Variants in FBXL7 observed in about 807,000 individuals in gnomAD.
FBXL7 encodes F-box and leucine rich repeat protein 7, also known as F-box/LRR-repeat protein 7.
In FBXL7, 12 loss-of-function variants were observed where a neutral mutation model predicts 38.3. The ratio of observed to expected loss-of-function variants is 0.31; its 90% CI spans 0.20 to 0.51. FBXL7 has a LOEUF of 0.51. FBXL7 is among the 20% of genes least tolerant of loss of function. The pLI, the probability that FBXL7 is intolerant of heterozygous loss-of-function variation, is 0.98. For missense variants in FBXL7, 567 were observed against 676.4 expected (o/e 0.84, Z 1.79); for synonymous variants, 297 against 300.9 (o/e 0.99, Z 0.13).
intron 1 of FBXL7, among the ~76,000 whole-genome samples, chr5:15,537,541 C>G (rs652985): frequency 0.085 from 12,877 of 152,238 alleles, 1,645 homozygotes; most frequent in African/African-American, 0.28. Context: ...CCATCCCCTG[C>G]AGGATGGGGT....
intron 2 of FBXL7, among the ~76,000 whole-genome samples, chr5:15,863,310 T>C (rs1371048532): frequency 6.6e-6 from 1 of 152,202 alleles, no homozygotes; most frequent in Non-Finnish European, 1.5e-5. Context: ...TTGGAACATG[T>C]GCTTTCTGGT....
intron 1 of FBXL7, among the ~76,000 whole-genome samples, chr5:15,591,857 C>T (rs567824366): frequency 4.3e-4 from 65 of 152,224 alleles, no homozygotes; most frequent in East Asian, 1.2e-3. Context: ...ACTACAGGCA[C>T]GCACCACCAC....
intron 2 of FBXL7, among the ~76,000 whole-genome samples, chr5:15,920,219 TG>T (rs1741702431): frequency 6.6e-6 from 1 of 151,512 alleles, no homozygotes; most frequent in Non-Finnish European, 1.5e-5. Flanking sequence ...ATTGCACCAC[TG>T]CACTCCAGCC....
chr5:15,843,172 G>A (rs1186360140), intron 2 of FBXL7, among the ~76,000 whole-genome samples: 1 of 152,064 alleles, frequency 6.6e-6, no homozygotes, highest in Non-Finnish European at 1.5e-5. Flanking sequence ...ATTTGTATAT[G>A]CTAATATAAA....
Position 15,898,000 on chromosome 5 carries a change from C to G in FBXL7, c.128-29890C>G, listed in dbSNP as rs60279502. Reference sequence around the variant, plus strand: ...ACATTGCAAAGCCAGCATGCAAATGCGATAGACTTAGTGATGTATATAGCC... The same window carrying G: ...ACATTGCAAAGCCAGCATGCAAATGGGATAGACTTAGTGATGTATATAGCC... On this transcript the variant is annotated intron_variant, in intron 2 of 3. Transcript: ENST00000504595. 2.1e-3 allele frequency among the ~76,000 whole-genome samples: 324 copies of G among 152,302 alleles called. 1 individual carries two copies. Among genetic ancestry groups the G allele is most frequent in the African/African-American group, 7.4e-3 (308 of 41,580 alleles).
At chr5:15,676,746 C>A (rs1742667349) in intron 2 of FBXL7, among the ~76,000 whole-genome samples, 1 of 152,082 alleles carries the variant, frequency 6.6e-6, no homozygotes, top group Non-Finnish European at 1.5e-5. Context: ...GGGGGCTGGC[C>A]AAGGAAAACA....
At chr5:15,913,233 A>G (rs553294161) in intron 2 of FBXL7, among the ~76,000 whole-genome samples, 5 of 126,410 alleles carry the variant, frequency 4.0e-5, no homozygotes, top group Admixed American at 3.6e-4. Context: ...ACAGTGGATC[A>G]TATTTTCTTT....
At chr5:15,919,628 AG>A (rs1488092091) in intron 2 of FBXL7, among the ~76,000 whole-genome samples, 1 of 152,258 alleles carries the variant, frequency 6.6e-6, no homozygotes, top group African/African-American at 2.4e-5. Context: ...AACATAAAAA[AG>A]TACGGTTACA....
At chr5:15,574,694 C>T (rs78746295) in intron 1 of FBXL7, among the ~76,000 whole-genome samples, 14 of 152,054 alleles carry the variant, frequency 9.2e-5, no homozygotes, top group Non-Finnish European at 1.3e-4. Context: ...TAAGCCTGCC[C>T]GTGTGAGGTG....
chr5:15,514,635 C>T (rs896814474), intron 1 of FBXL7, among the ~76,000 whole-genome samples: 2 of 152,168 alleles, frequency 1.3e-5, no homozygotes, highest in African/African-American at 2.4e-5. Flanking sequence ...TTTCTCTCTT[C>T]CCCATCATAC....
intron 1 of FBXL7, among the ~76,000 whole-genome samples, chr5:15,568,373 T>C (rs560884930): frequency 9.8e-5 from 15 of 152,372 alleles, no homozygotes; most frequent in African/African-American, 3.1e-4. Flanking sequence ...CATGTGTCTT[T>C]TGGCTGCATA....
intron 1 of FBXL7, among the ~76,000 whole-genome samples, chr5:15,612,493 G>A (rs1043584579): frequency 2.0e-5 from 3 of 152,062 alleles, no homozygotes; most frequent in Non-Finnish European, 2.9e-5. Flanking sequence ...ATGTCCTCAC[G>A]TGTGTCTGAG....
intron 3 of FBXL7, among the ~76,000 whole-genome samples, chr5:15,933,800 G>A (rs1022278353): frequency 1.3e-5 from 2 of 152,128 alleles, no homozygotes; most frequent in African/African-American, 4.8e-5. Flanking sequence ...TGAGGCTGCT[G>A]GGAAGCCTTG....
At chr5:15,732,602 T>G (rs1240617721) in intron 2 of FBXL7, among the ~76,000 whole-genome samples, 1 of 152,222 alleles carries the variant, frequency 6.6e-6, no homozygotes, top group Non-Finnish European at 1.5e-5. Context: ...GAAACTCTAT[T>G]TTAAAGGTAG....
intron 2 of FBXL7, among the ~76,000 whole-genome samples, chr5:15,921,445 T>C (rs1458874109): frequency 6.6e-6 from 1 of 151,972 alleles, no homozygotes; most frequent in Non-Finnish European, 1.5e-5. Context: ...TTTTACCTTT[T>C]CAGATCTGTC....
intron 2 of FBXL7, among the ~76,000 whole-genome samples, chr5:15,901,625 A>G (rs1158622095): frequency 1.3e-5 from 2 of 152,192 alleles, no homozygotes. Flanking sequence ...ACAAACAAAA[A>G]TGGGATGAAG....
At chr5:15,853,943 G>C (rs1313342379) in intron 2 of FBXL7, among the ~76,000 whole-genome samples, 1 of 152,122 alleles carries the variant, frequency 6.6e-6, no homozygotes, top group African/African-American at 2.4e-5. Flanking sequence ...TTTGATCTTT[G>C]CAAGTCTCTT....
chr5:15,772,866 A>G (rs1736762930), intron 2 of FBXL7, among the ~76,000 whole-genome samples: 1 of 151,794 alleles, frequency 6.6e-6, no homozygotes, highest in African/African-American at 2.4e-5. Context: ...GAAGACCTTA[A>G]TAGTGACTCA....
intron 2 of FBXL7, among the ~76,000 whole-genome samples, chr5:15,747,324 T>A (rs1736041297): frequency 6.6e-6 from 1 of 152,180 alleles, no homozygotes; most frequent in Non-Finnish European, 1.5e-5. Context: ...AATCTTAAGC[T>A]TTGTTTATGC....
Sources: gnomAD v4.1 joint callset for allele counts (sites outside exome capture counted in the v4.1 genomes callset) on GRCh38, gnomAD v4.1.1 for gene constraint, MANE v1.5 for transcripts, NCBI Gene and HGNC (gene_info 2026-07-23, HGNC 2026-07-21) for gene names.